Variants in MAGI1 observed in about 807,000 individuals in gnomAD.
The protein encoded by MAGI1 is membrane associated guanylate kinase, WW and PDZ domain containing 1.
Under a neutral mutation model 139.9 loss-of-function variants are expected in MAGI1, and 58 were observed. The observed-to-expected ratio is 0.41, with a 90% CI of 0.34 to 0.52. The LOEUF (loss-of-function observed/expected upper bound fraction) is 0.52. Among genes scored for constraint, MAGI1 ranks in the 20% least tolerant of loss-of-function variants. The probability of loss-of-function intolerance (pLI) is 0.12; values close to 1 mark genes in which losing one functional copy is unlikely to be tolerated. For synonymous variants in MAGI1, 812 were observed against 737.9 expected (o/e 1.10, Z -1.63); for missense variants, 1,874 against 1,901.6 (o/e 0.99, Z 0.27).
rs138192699 is a variant in MAGI1, at chr3:65,856,281, T to G, written c.313+181715A>C. ...AAGGGAATAGAAGACTCCAGAAGAG[T>G]AGAATGCAGGTTTTACCTCCCTGTA... On this transcript the variant is annotated intron_variant, in intron 1 of 22. Coordinates refer to ENST00000402939, the MANE Select transcript of MAGI1 (RefSeq NM_001033057.2). Among the ~76,000 whole-genome samples the G allele has an allele frequency of 7.6e-4, 115 of 151,030 alleles. 1 individual carries two copies. Among genetic ancestry groups the G allele is most frequent in the African/African-American group, 2.7e-3 (111 of 41,034 alleles).
intron 6 of MAGI1, among the ~76,000 whole-genome samples, chr3:65,450,776 C>A (rs1207941144): frequency 6.6e-6 from 1 of 152,078 alleles, no homozygotes; most frequent in Non-Finnish European, 1.5e-5. Context: ...CATATTAAAT[C>A]TTTATAATAA....
intron 1 of MAGI1, among the ~76,000 whole-genome samples, chr3:65,877,511 CAGA>C (rs1029580432): frequency 2.6e-5 from 4 of 152,120 alleles, no homozygotes; most frequent in African/African-American, 7.2e-5. Flanking sequence ...AATTTGAATC[CAGA>C]AGAAGACAGC....
At chr3:65,821,700 G>A (rs544514581) in intron 1 of MAGI1, among the ~76,000 whole-genome samples, 52 of 152,246 alleles carry the variant, frequency 3.4e-4, no homozygotes, top group Non-Finnish European at 6.2e-4. Flanking sequence ...CAAACCAAAA[G>A]AAGCAACATC....
intron 12 of MAGI1, among the ~76,000 whole-genome samples, chr3:65,406,768 T>A (rs779098695): frequency 6.6e-6 from 1 of 151,362 alleles, no homozygotes; most frequent in Non-Finnish European, 1.5e-5. Context: ...TATATATGTA[T>A]ACACACATAC....
Position 65,439,932 on chromosome 3 carries a change from T to C in MAGI1, c.1217A>G (p.Gln406Arg). 1 of 1,604,608 alleles carries C rather than the reference T, an allele frequency of 6.2e-7. No homozygotes were observed. The highest frequency in any genetic ancestry group is 8.5e-7 in the Non-Finnish European group (1 of 1,171,738). The change falls in exon 9 of 23, where the codon CAG becomes CGG. Residue 406 changes from glutamine (Q) to arginine (R), a missense_variant. Gln to Arg is a conservative substitution (Grantham distance 43). Coordinates refer to ENST00000402939, the MANE Select transcript of MAGI1 (RefSeq NM_001033057.2). Reference sequence around the variant, plus strand: ...CTGCTGCTGTTGCTGCTGCTGTTGCTGCTGCTGCTGCTGCTCAAGCTGCTT... The same window carrying C: ...CTGCTGCTGTTGCTGCTGCTGTTGCCGCTGCTGCTGCTGCTCAAGCTGCTT... Reference protein sequence around the residue: ...RKKQLEQQQQQQQQQQQQQQQ... With the variant: ...RKKQLEQQQQRQQQQQQQQQQ...
At chr3:65,722,738 T>C (rs2033180128) in intron 1 of MAGI1, among the ~76,000 whole-genome samples, 1 of 152,156 alleles carries the variant, frequency 6.6e-6, no homozygotes, top group Admixed American at 6.5e-5. Flanking sequence ...TAGTGTGACA[T>C]GAAAGCCTCA....
At position 65,375,858 on chromosome 3, in the gene MAGI1, T is replaced by C; in HGVS notation, c.3083A>G (p.Asp1028Gly). The change falls in exon 18 of 23, where the codon GAC becomes GGC. Residue 1028 changes from aspartate to glycine, a missense_variant. Physicochemically the swap from Asp to Gly is moderately conservative, Grantham distance 94. Transcript: ENST00000402939. ...ADRCGKLKVGDRILAVNGCSI... is the reference protein window; with the variant it reads ...ADRCGKLKVGGRILAVNGCSI... ...ACATCCATTTACTGCCAAGATCCGG[T>C]CTCCTACTTTCAGCTTGCCACAGCG... 1.2e-6 allele frequency: 2 copies of C among 1,614,138 alleles called. No individual in the cohort carries two copies. Among genetic ancestry groups the C allele is most frequent in the East Asian group, 4.5e-5 (2 of 44,866 alleles).
chr3:65,750,265 G>C (rs889523974), intron 1 of MAGI1, among the ~76,000 whole-genome samples: 1 of 152,170 alleles, frequency 6.6e-6, no homozygotes, highest in Admixed American at 6.5e-5. Flanking sequence ...AACCTAAAAG[G>C]AGTTACATAT....
At chr3:65,814,421 C>T (rs184211298) in intron 1 of MAGI1, among the ~76,000 whole-genome samples, 2 of 152,244 alleles carry the variant, frequency 1.3e-5, no homozygotes, top group East Asian at 1.9e-4. Flanking sequence ...TATTCCTCAC[C>T]TCTCATTCAC....
rs553332236 is a variant in MAGI1 at position 65,635,516 on chromosome 3, C to A, written c.314-13428G>T. On this transcript the variant is annotated intron_variant, in intron 1 of 22. Coordinates refer to ENST00000402939, the MANE Select transcript of MAGI1 (RefSeq NM_001033057.2). ...CTCAATGCCTACCATATGAAGAAAC[C>A]AAGAGAGTGACATCTGAATGGCACA... is the stretch of plus-strand genomic sequence containing the variant. 1.3e-4 allele frequency among the ~76,000 whole-genome samples: 20 copies of A among 152,222 alleles called. No homozygotes were observed. The East Asian group carries it at 1.5e-3, about 12-fold the overall frequency.
chr3:65,880,271 G>A (rs1186057884), intron 1 of MAGI1, among the ~76,000 whole-genome samples: 1 of 151,962 alleles, frequency 6.6e-6, no homozygotes, highest in Non-Finnish European at 1.5e-5. Flanking sequence ...AGCCTTGGAA[G>A]AAAATTCCTG....
intron 1 of MAGI1, among the ~76,000 whole-genome samples, chr3:65,726,807 G>T (rs1323420934): frequency 6.6e-6 from 1 of 151,950 alleles, no homozygotes; most frequent in Non-Finnish European, 1.5e-5. Flanking sequence ...TCTTGATAGG[G>T]CTTCAAATCC....
chr3:65,947,940 T>C (rs925795794), intron 1 of MAGI1, among the ~76,000 whole-genome samples: 8 of 131,856 alleles, frequency 6.1e-5, no homozygotes, highest in East Asian at 4.0e-4. Context: ...ATCTTTCTCT[T>C]TTTTTTTTTT....
At chr3:65,378,134 A>G (rs1215472981) in intron 17 of MAGI1, among the ~76,000 whole-genome samples, 1 of 152,194 alleles carries the variant, frequency 6.6e-6, no homozygotes, top group Non-Finnish European at 1.5e-5. Context: ...AAGGTGGATC[A>G]TTTTTGGAGT....
chr3:65,645,274 C>G (rs1427677962), intron 1 of MAGI1, among the ~76,000 whole-genome samples: 1 of 151,628 alleles, frequency 6.6e-6, no homozygotes, highest in Non-Finnish European at 1.5e-5. Context: ...TTTTTGAGAA[C>G]TGAAAGAAAA....
At chr3:65,670,457 T>G (rs2086787786) in intron 1 of MAGI1, among the ~76,000 whole-genome samples, 1 of 152,080 alleles carries the variant, frequency 6.6e-6, no homozygotes, top group South Asian at 2.1e-4. Flanking sequence ...GGCTTTTATG[T>G]AGGTTTCATG....
chr3:65,610,742 G>GTATATACTATATACTATATA lies in MAGI1; in HGVS notation c.430+11229_430+11230insTATATAGTATATAGTATATA, dbSNP rs11276480. On this transcript the variant is annotated intron_variant, in intron 2 of 22. Coordinates refer to ENST00000402939, the MANE Select transcript of MAGI1 (RefSeq NM_001033057.2). Reference sequence around the variant, plus strand: ...CATTTAGGTACAAATATAGTATATAGTATATATACAGTATATATATAGCAT... The same window carrying GTATATACTATATACTATATA: ...CATTTAGGTACAAATATAGTATATAGTATATACTATATACTATATATATATATACAGTATATATATAGCAT... 6.2e-3 allele frequency among the ~76,000 whole-genome samples: 752 copies of GTATATACTATATACTATATA among 121,320 alleles called. 39 individuals carry two copies. Among genetic ancestry groups the GTATATACTATATACTATATA allele is most frequent in the South Asian group, 8.9e-3 (36 of 4,054 alleles). The allele number at this position is 121,320 out of a possible 152,430, so 79.6% of individuals were successfully genotyped here. A position where few individuals can be genotyped will look rare whatever the true frequency, so the allele number is the denominator to read the frequency against.
intron 1 of MAGI1, among the ~76,000 whole-genome samples, chr3:65,673,151 G>A (rs549558463): frequency 6.6e-6 from 1 of 152,100 alleles, no homozygotes; most frequent in Non-Finnish European, 1.5e-5. Context: ...GATGACTGAA[G>A]TTTTACATGA....
At chr3:65,438,592 C>T (rs551631467) in intron 9 of MAGI1, among the ~76,000 whole-genome samples, 34 of 152,320 alleles carry the variant, frequency 2.2e-4, no homozygotes, top group African/African-American at 7.2e-4. Flanking sequence ...TGTACACAGA[C>T]ATACATACCT....
Sources: allele counts gnomAD v4.1 joint callset (sites outside exome capture counted in the v4.1 genomes callset), GRCh38; gene constraint gnomAD v4.1.1; transcripts MANE v1.5; gene names NCBI Gene and HGNC (gene_info 2026-07-23, HGNC 2026-07-21).